The following DMD variants were observed in gnomAD, a reference collection of about 807,000 sequenced individuals.
DMD encodes the protein dystrophin, also known as mutant dystrophin.
Under a neutral mutation model 330.1 loss-of-function variants are expected in DMD, and 63 were observed. The ratio of observed to expected loss-of-function variants is 0.19; its 90% CI spans 0.16 to 0.24. DMD has a LOEUF of 0.24. Ranked by LOEUF, DMD falls within the 10% of genes least tolerant of loss-of-function variation. The pLI, the probability that DMD is intolerant of heterozygous loss-of-function variation, is 1.00. For synonymous variants in DMD, 1,223 were observed against 959.8 expected (o/e 1.27, Z -5.07); for missense variants, 3,344 against 2,684.1 (o/e 1.25, Z -5.43).
At chrX:32,328,655 G>A (rs775071609) in intron 41 of DMD, among the ~76,000 whole-genome samples, 4 of 108,851 alleles carry the variant, frequency 3.7e-5, no homozygotes, top group African/African-American at 1.3e-4. Flanking sequence ...GGTGGTTTAC[G>A]GACATTGTAT....
intron 1 of DMD, among the ~76,000 whole-genome samples, chrX:33,256,401 C>T (rs1467237455): frequency 1.8e-5 from 2 of 110,234 alleles, no homozygotes; most frequent in African/African-American, 6.5e-5. Flanking sequence ...GATGGTAACA[C>T]CATCCTAGCG....
chrX:32,054,088 TGAGAGAGAGAGAGAGAGAGAGA>T (rs751524877), intron 44 of DMD, among the ~76,000 whole-genome samples: 1 of 69,570 alleles, frequency 1.4e-5, no homozygotes, highest in African/African-American at 6.0e-5. Context: ...TGTGTGTGTG[TGAGAGAGAGAGAGAGAGAGAGA>T]GAGAGAGAGA....
At chrX:31,372,012 G>A (rs190059690) in intron 60 of DMD, among the ~76,000 whole-genome samples, 40 of 111,849 alleles carry the variant, frequency 3.6e-4, no homozygotes, top group African/African-American at 1.1e-3. Context: ...GGGAGATAAC[G>A]TATGTCAAGT....
At chrX:31,775,215 G>C (rs1025255833) in intron 50 of DMD, among the ~76,000 whole-genome samples, 1 of 111,135 alleles carries the variant, frequency 9.0e-6, no homozygotes, top group Non-Finnish European at 1.9e-5. Flanking sequence ...ATGCCAGAAA[G>C]AGCAGCATAA....
intron 61 of DMD, chrX:31,348,212 C>T (rs2058204268): frequency 8.1e-6 from 2 of 245,450 alleles, no homozygotes; most frequent in Non-Finnish European, 1.5e-5. Context: ...AGCCCATATA[C>T]TAACATTGGA....
rs2093890001 is a variant in DMD at position 33,020,350 on chromosome X, T to C, written c.32-150A>G. On this transcript the variant is annotated intron_variant, in intron 1 of 78. Coordinates refer to ENST00000357033, the MANE Select transcript of DMD (RefSeq NM_004006.3). ...GATAAATGGAATTAAACATGAGTGA[T>C]GCTGGTTTGGGGCATCCAAATTAAA... The C allele has an allele frequency of 8.8e-6, 4 of 454,985 alleles. No individual in the cohort carries two copies. The South Asian group carries it at 1.0e-4, about 12-fold the overall frequency. The allele number at this position is 454,985 out of a possible 1,213,427, so 37.5% of individuals were successfully genotyped here.
intron 55 of DMD, among the ~76,000 whole-genome samples, chrX:31,564,842 T>C (rs899977237): frequency 8.9e-6 from 1 of 111,919 alleles, no homozygotes; most frequent in African/African-American, 3.2e-5. Flanking sequence ...TCAACATTGC[T>C]TGAAGTAATA....
intron 76 of DMD, among the ~76,000 whole-genome samples, chrX:31,145,662 A>ATTTTTTTTTTTT (rs749721258): frequency 2.3e-5 from 2 of 86,320 alleles, no homozygotes; most frequent in African/African-American, 4.6e-5. Context: ...TGGGAACTCT[A>ATTTTTTTTTTTT]TTTTTTTTTT....
chrX:32,969,405 A>T (rs1303139393), intron 2 of DMD, among the ~76,000 whole-genome samples: 1 of 92,838 alleles, frequency 1.1e-5, no homozygotes, highest in Non-Finnish European at 2.0e-5. Context: ...TATACATAAA[A>T]CATGTATGTA....
At chrX:32,948,233 G>A (rs2090960914) in intron 2 of DMD, among the ~76,000 whole-genome samples, 1 of 110,879 alleles carries the variant, frequency 9.0e-6, no homozygotes, top group East Asian at 2.8e-4. Flanking sequence ...CTGTTAATAA[G>A]AAGTGAGAGA....
intron 1 of DMD, among the ~76,000 whole-genome samples, chrX:33,226,263 A>G (rs1348529296): frequency 1.8e-5 from 2 of 111,678 alleles, no homozygotes; most frequent in East Asian, 2.8e-4. Flanking sequence ...AAAAAACTGT[A>G]CATGAGTCTT....
chrX:31,273,854 T>C (rs2051869553), intron 62 of DMD, among the ~76,000 whole-genome samples: 1 of 111,802 alleles, frequency 8.9e-6, no homozygotes, highest in Admixed American at 9.5e-5. Flanking sequence ...GCAAGTCACT[T>C]AACCACTTGG....
chrX:32,327,520 C>T (rs1265614906), intron 41 of DMD, among the ~76,000 whole-genome samples: 2 of 111,159 alleles, frequency 1.8e-5, no homozygotes, highest in African/African-American at 6.5e-5. Flanking sequence ...TATAACTTTG[C>T]AAAATATGGT....
chrX:32,317,856 C>A (rs1250266372), intron 41 of DMD, among the ~76,000 whole-genome samples: 1 of 105,356 alleles, frequency 9.5e-6, no homozygotes, highest in Non-Finnish European at 2.0e-5. Flanking sequence ...TTTTTAACTG[C>A]GTTGGTGTTA....
chrX:32,653,589 T>C (rs1037998698), intron 9 of DMD, among the ~76,000 whole-genome samples: 7 of 111,917 alleles, frequency 6.3e-5, no homozygotes, highest in Non-Finnish European at 1.3e-4. Flanking sequence ...AATCAGGTAG[T>C]GTGATACCTC....
At chrX:31,183,148 A>G (rs2041343600) in intron 67 of DMD, among the ~76,000 whole-genome samples, 1 of 103,296 alleles carries the variant, frequency 9.7e-6, no homozygotes, top group African/African-American at 3.6e-5. Context: ...CTAGATGACA[A>G]GAAAAGAAAA....
intron 44 of DMD, among the ~76,000 whole-genome samples, chrX:32,160,567 G>A (rs2096845969): frequency 9.1e-6 from 1 of 110,207 alleles, no homozygotes; most frequent in Admixed American, 9.8e-5. Flanking sequence ...TTTTCCAAAA[G>A]CTTGATTTGG....
chrX:31,828,525 G>C (rs903403335), intron 49 of DMD, among the ~76,000 whole-genome samples: 4 of 109,344 alleles, frequency 3.7e-5, no homozygotes, highest in Admixed American at 9.9e-5. Flanking sequence ...TTAGCTGGGC[G>C]TGGTGGTGGG....
chrX:33,307,338 A>AAAATAAAT (rs1193559751), intron 1 of DMD, among the ~76,000 whole-genome samples: 1 of 112,116 alleles, frequency 8.9e-6, no homozygotes, highest in Non-Finnish European at 1.9e-5. Context: ...TAATTTTGTA[A>AAAATAAAT]AAATAAATAA....
Sources: allele counts gnomAD v4.1 joint callset (sites outside exome capture counted in the v4.1 genomes callset), GRCh38; gene constraint gnomAD v4.1.1; transcripts MANE v1.5; gene names NCBI Gene and HGNC (gene_info 2026-07-23, HGNC 2026-07-21).